MAP4K3: variants seen among roughly 807,000 people sequenced by gnomAD.
MAP4K3 encodes the protein mitogen-activated protein kinase kinase kinase kinase 3, also known as MAPK/ERK kinase kinase kinase 3.
MAP4K3 carries 94 observed loss-of-function variants against 143.5 expected under a neutral mutation model. The ratio of observed to expected loss-of-function variants is 0.65; its 90% CI spans 0.55 to 0.78. The LOEUF is 0.78. Among genes scored for constraint, MAP4K3 ranks in the 30% least tolerant of loss-of-function variants. MAP4K3 has a pLI of 0.00. For missense variants in MAP4K3, 1,077 were observed against 1,068.1 expected, an observed-to-expected ratio of 1.01 and a Z score of -0.12; for synonymous variants, 416 against 347.2, an observed-to-expected ratio of 1.20 and a Z score of -2.20.
At chr2:39,373,398 A>G (rs1470261646) in intron 2 of MAP4K3, among the ~76,000 whole-genome samples, 1 of 152,194 alleles carries the variant, frequency 6.6e-6, no homozygotes, top group Admixed American at 6.5e-5. Context: ...AAAAACTAAA[A>G]ATAGAACTAC....
In MAP4K3 at chr2:39,260,774, T is replaced by C. The variant is rs368002292; in HGVS notation, c.2140A>G (p.Ile714Val). 12 of 1,603,864 alleles carry C rather than the reference T, an allele frequency of 7.5e-6. No homozygotes were observed. The highest frequency in any genetic ancestry group is 1.0e-5 in the Non-Finnish European group (12 of 1,175,006). The change falls in exon 29 of 34, where the codon ATA becomes GTA. Residue 714 changes from isoleucine to valine, a missense_variant. Coordinates refer to ENST00000263881, the MANE Select transcript of MAP4K3 (RefSeq NM_003618.4). ...PMQKFMLIKHIDFPIPCPLRM... is the reference protein window; with the variant it reads ...PMQKFMLIKHVDFPIPCPLRM... ...AGTGGACATGGTATAGGAAAATCTA[T>C]GTGCTAGAGAAAGAAACAAAAATAC...
chr2:39,314,227 G>A (rs982503433), intron 13 of MAP4K3, among the ~76,000 whole-genome samples: 2 of 151,210 alleles, frequency 1.3e-5, no homozygotes, highest in African/African-American at 4.9e-5. Context: ...ACGGAGTTTC[G>A]CCATGTTGGC....
intron 1 of MAP4K3, among the ~76,000 whole-genome samples, chr2:39,427,234 T>G (rs1455540976): frequency 2.6e-5 from 4 of 151,874 alleles, no homozygotes; most frequent in African/African-American, 9.7e-5. Flanking sequence ...AACTATGATT[T>G]AAAAGTAAAG....
intron 12 of MAP4K3, among the ~76,000 whole-genome samples, chr2:39,319,083 T>C (rs1484463858): frequency 1.3e-5 from 2 of 152,118 alleles, no homozygotes; most frequent in African/African-American, 4.8e-5. Flanking sequence ...AGGGCAGCCC[T>C]CCCAAAACAA....
chr2:39,375,276 T>C (rs115355221), intron 2 of MAP4K3, among the ~76,000 whole-genome samples: 5 of 152,180 alleles, frequency 3.3e-5, no homozygotes, highest in Admixed American at 2.0e-4. Flanking sequence ...CACACCCCTC[T>C]ACCTTAGAAA....
At chr2:39,360,708 A>C (rs1665742896) in intron 2 of MAP4K3, among the ~76,000 whole-genome samples, 2 of 152,176 alleles carry the variant, frequency 1.3e-5, no homozygotes, top group Admixed American at 6.6e-5. Flanking sequence ...GGAAGCAAAC[A>C]CATCCTTCTT....
intron 8 of MAP4K3, among the ~76,000 whole-genome samples, chr2:39,327,919 G>A (rs1349252219): frequency 1.3e-5 from 2 of 152,158 alleles, no homozygotes; most frequent in African/African-American, 4.8e-5. Context: ...CTTAGTACAT[G>A]TCTACTCCAG....
chr2:39,295,077 A>G (rs1682212963), intron 16 of MAP4K3, among the ~76,000 whole-genome samples: 1 of 151,832 alleles, frequency 6.6e-6, no homozygotes, highest in African/African-American at 2.4e-5. Flanking sequence ...TTTTTTACTA[A>G]TATTATTTTG....
intron 23 of MAP4K3, 42 bp from the exon 24 acceptor site, chr2:39,278,528 A>G (rs1681374584): frequency 9.5e-7 from 1 of 1,054,088 alleles, no homozygotes; most frequent in East Asian, 2.4e-5. Context: ...GGTAAATAAA[A>G]TATTTTTAAA....
chr2:39,324,187 T>A (rs1683411325), intron 12 of MAP4K3, among the ~76,000 whole-genome samples: 1 of 152,160 alleles, frequency 6.6e-6, no homozygotes, highest in South Asian at 2.1e-4. Flanking sequence ...GGCAGGCAGA[T>A]CACAAGGTCA....
intron 25 of MAP4K3, 31 bp downstream of exon 25, chr2:39,272,451 T>A (rs747960950): frequency 1.9e-6 from 3 of 1,600,862 alleles, no homozygotes; most frequent in African/African-American, 1.3e-5. Context: ...ATAGTAACAA[T>A]TGTAAGGTAT....
rs540488185 is a variant in MAP4K3, at chr2:39,357,681, T to C, written c.155-1342A>G. Among the ~76,000 whole-genome samples, 9 of 152,398 alleles carry C rather than the reference T, an allele frequency of 5.9e-5. No individual in the cohort carries two copies. In the South Asian group the frequency reaches 1.9e-3, roughly 32 times the overall value. ...AAAAATTTGGAAGATTATTGAACTA[T>C]GATCTTATCAATTTACTTCCCACCA... On this transcript the variant is annotated intron_variant, in intron 2 of 33. Transcript: ENST00000263881.
intron 16 of MAP4K3, among the ~76,000 whole-genome samples, chr2:39,297,219 G>A (rs1277249378): frequency 6.6e-6 from 1 of 151,944 alleles, no homozygotes; most frequent in Non-Finnish European, 1.5e-5. Flanking sequence ...CTGGGTTCAA[G>A]CGATTCCCCT....
At chr2:39,267,280 T>G in intron 26 of MAP4K3, 33 bp from the exon 27 acceptor site, 2 of 1,528,880 alleles carry the variant, frequency 1.3e-6, no homozygotes, top group Non-Finnish European at 1.8e-6. Context: ...ACGTAATATA[T>G]GTAGGCAAAC....
At chr2:39,377,761 G>A (rs1573217764) in intron 2 of MAP4K3, among the ~76,000 whole-genome samples, 3 of 152,244 alleles carry the variant, frequency 2.0e-5, no homozygotes, top group South Asian at 2.1e-4. Flanking sequence ...ACCACAAGAC[G>A]TCAGCCTGGA....
intron 1 of MAP4K3, among the ~76,000 whole-genome samples, chr2:39,383,040 C>T (rs1198418904): frequency 6.6e-6 from 1 of 152,176 alleles, no homozygotes; most frequent in East Asian, 1.9e-4. Context: ...CCTCAGAGTA[C>T]TTCCCATACA....
intron 1 of MAP4K3, among the ~76,000 whole-genome samples, chr2:39,381,111 T>C (rs1666345791): frequency 1.3e-5 from 2 of 152,232 alleles, no homozygotes; most frequent in South Asian, 2.1e-4. Flanking sequence ...CTTGGTGTAA[T>C]GCTTTCAGAC....
chr2:39,333,478 T>C, intron 7 of MAP4K3, 54 bp downstream of exon 7: 1 of 1,373,368 alleles, frequency 7.3e-7, no homozygotes, highest in Non-Finnish European at 1.0e-6. Flanking sequence ...AAACATAAAC[T>C]TTACTATATC....
chr2:39,354,936 T>C (rs1665564052), intron 3 of MAP4K3, among the ~76,000 whole-genome samples: 1 of 152,120 alleles, frequency 6.6e-6, no homozygotes, highest in Admixed American at 6.5e-5. Context: ...GAAGAAAAAC[T>C]GAAGAGTTTT....
Sources: allele counts gnomAD v4.1 joint callset (sites outside exome capture counted in the v4.1 genomes callset), GRCh38; gene constraint gnomAD v4.1.1; transcripts MANE v1.5; gene names NCBI Gene and HGNC (gene_info 2026-07-23, HGNC 2026-07-21).